Variants in CXADR observed in about 807,000 individuals in gnomAD.
CXADR encodes the protein CXADR cell adhesion molecule.
Under a neutral mutation model 40.3 loss-of-function variants are expected in CXADR, and 20 were observed. The observed-to-expected ratio is 0.50, with a 90% CI of 0.35 to 0.72. CXADR has a LOEUF of 0.72. CXADR is among the 30% of genes least tolerant of loss of function. CXADR has a pLI of 0.01. For missense variants in CXADR, 332 were observed against 449.1 expected, an observed-to-expected ratio of 0.74 and a Z score of 2.36; for synonymous variants, 150 against 161.3, an observed-to-expected ratio of 0.93 and a Z score of 0.53.
At chr21:17,520,367 A>G (rs923226452) in intron 1 of CXADR, among the ~76,000 whole-genome samples, 39 of 152,146 alleles carry the variant, frequency 2.6e-4, no homozygotes, top group African/African-American at 9.2e-4. Context: ...GTGCTTCTCA[A>G]ACTTTGTGCA....
the CXADR span, chr21:17,612,857 G>C: frequency 6.6e-6 from 1 of 152,128 alleles, no homozygotes; most frequent in Admixed American, 6.5e-5. Flanking sequence ...GGGCGGCCAA[G>C]CGCGCGTTGA....
the CXADR span, among the ~76,000 whole-genome samples, chr21:17,635,252 G>A: frequency 6.6e-6 from 1 of 152,150 alleles, no homozygotes; most frequent in Non-Finnish European, 1.5e-5. Context: ...GTTTACATCA[G>A]CAGGTTCCCA....
the CXADR span, among the ~76,000 whole-genome samples, chr21:17,625,470 C>T: frequency 0.56 from 85,274 of 151,908 alleles, 26,847 homozygotes; most frequent in African/African-American, 0.86. Context: ...AAAATAATGA[C>T]GTACCCCAAA....
rs908515602 is a variant in CXADR at position 17,566,478 on chromosome 21, C to G, written c.*786C>G. On this transcript the variant is annotated 3_prime_UTR_variant, in exon 7 of 7. Transcript: ENST00000284878. ...GATTTTGTTGGTGAGTAGTCTCATG[C>G]CTTGAGATCTGTGGTGGTCTTCAAA... 111 of 985,208 alleles carry G rather than the reference C, an allele frequency of 1.1e-4. No homozygotes were observed. The Middle Eastern group carries it at 3.6e-3, about 32-fold the overall frequency. 61.0% of individuals were successfully genotyped at this position (985,208 alleles called of 1,614,324 possible). A position where few individuals can be genotyped will look rare whatever the true frequency, so the allele number is the denominator to read the frequency against.
At chr21:17,516,480 G>T (rs965404191) in intron 1 of CXADR, among the ~76,000 whole-genome samples, 1 of 152,208 alleles carries the variant, frequency 6.6e-6, no homozygotes, top group Non-Finnish European at 1.5e-5. Context: ...GGTTGACATT[G>T]TAAACTAATG....
intron 1 of CXADR, among the ~76,000 whole-genome samples, chr21:17,530,114 A>ATTTTTTTTTTTTTTTTTTTT (rs56341807): frequency 1.1e-4 from 10 of 94,956 alleles, no homozygotes; most frequent in Admixed American, 1.6e-4. Flanking sequence ...ATGCCAGGCT[A>ATTTTTTTTTTTTTTTTTTTT]TTTTTTTTTT....
intron 6 of CXADR, among the ~76,000 whole-genome samples, chr21:17,564,319 A>G (rs2061171489): frequency 7.0e-6 from 1 of 141,862 alleles, no homozygotes; most frequent in Non-Finnish European, 1.6e-5. Flanking sequence ...AGATGTCTCT[A>G]TTAAAAAAAA....
chr21:17,605,685 T>G, the CXADR span, among the ~76,000 whole-genome samples: 1 of 152,204 alleles, frequency 6.6e-6, no homozygotes, highest in Non-Finnish European at 1.5e-5. Context: ...CCATCTTTTT[T>G]TAACCTATTA....
the CXADR span, among the ~76,000 whole-genome samples, chr21:17,602,748 G>C: frequency 6.6e-6 from 1 of 152,070 alleles, no homozygotes; most frequent in South Asian, 2.1e-4. Flanking sequence ...TTTCCTACCA[G>C]GCATCATCAA....
At chr21:17,535,900 C>A (rs971610670) in intron 1 of CXADR, among the ~76,000 whole-genome samples, 1 of 151,970 alleles carries the variant, frequency 6.6e-6, no homozygotes, top group Non-Finnish European at 1.5e-5. Context: ...CCCAGCTACT[C>A]GAGAGGCTAA....
intron 3 of CXADR, among the ~76,000 whole-genome samples, chr21:17,554,209 G>T (rs2061005402): frequency 1.3e-5 from 2 of 152,160 alleles, no homozygotes; most frequent in African/African-American, 4.8e-5. Context: ...GTGGGACCAG[G>T]TTCAGGGTCA....
intron 1 of CXADR, among the ~76,000 whole-genome samples, chr21:17,514,608 A>C (rs1600932398): frequency 6.6e-6 from 1 of 151,110 alleles, no homozygotes; most frequent in African/African-American, 2.4e-5. Flanking sequence ...AAAGCAGAAA[A>C]GTGGAAGAAC....
chr21:17,576,191 G>A (rs1192292351), intron 7 of CXADR, among the ~76,000 whole-genome samples: 5 of 152,036 alleles, frequency 3.3e-5, no homozygotes, highest in Non-Finnish European at 5.9e-5. Context: ...TGCAAATGCA[G>A]TAAGTGCTTA....
chr21:17,550,885 A>G (rs2060958796), intron 2 of CXADR, among the ~76,000 whole-genome samples: 1 of 152,246 alleles, frequency 6.6e-6, no homozygotes. Context: ...TAACCTGGGT[A>G]CACATATCTT....
At chr21:17,555,748 A>G (rs543760350) in intron 3 of CXADR, among the ~76,000 whole-genome samples, 15 of 152,258 alleles carry the variant, frequency 9.9e-5, no homozygotes, top group Admixed American at 8.5e-4. Flanking sequence ...TTTTCCCTCT[A>G]TAATTAAAAA....
At chr21:17,593,982 G>A (rs2061469441), downstream of CXADR, 3 of 1,270,240 alleles carry the variant, frequency 2.4e-6, no homozygotes, top group Non-Finnish European at 3.2e-6. Context: ...AAGTTTGATG[G>A]TTTGGCCCAT....
chr21:17,551,478 G>A (rs1305743850), intron 2 of CXADR, among the ~76,000 whole-genome samples: 1 of 152,178 alleles, frequency 6.6e-6, no homozygotes, highest in Non-Finnish European at 1.5e-5. Context: ...CTCTAGGACA[G>A]TATAGGGCTT....
At chr21:17,551,713 T>C (rs1354149823) in intron 2 of CXADR, 36 bp from the exon 3 acceptor site, 1 of 1,562,090 alleles carries the variant, frequency 6.4e-7, no homozygotes, top group Non-Finnish European at 8.7e-7. Flanking sequence ...TGTGTGTGTT[T>C]GTTTTTCCTC....
At chr21:17,571,253 G>T (rs2061275227), downstream of CXADR, among the ~76,000 whole-genome samples, 1 of 152,122 alleles carries the variant, frequency 6.6e-6, no homozygotes, top group African/African-American at 2.4e-5. Flanking sequence ...TGCTTAAAAT[G>T]GTACAAAATA....
Sources: allele counts gnomAD v4.1 joint callset (sites outside exome capture counted in the v4.1 genomes callset), GRCh38; gene constraint gnomAD v4.1.1; transcripts MANE v1.5; gene names NCBI Gene and HGNC (gene_info 2026-07-23, HGNC 2026-07-21).